Variants in IGSF21 observed in about 807,000 individuals in gnomAD.
IGSF21 encodes immunoglobulin superfamily member 21.
IGSF21 carries 28 observed loss-of-function variants against 46.8 expected under a neutral mutation model. The ratio of observed to expected loss-of-function variants is 0.60; its 90% CI spans 0.44 to 0.82. IGSF21 has a LOEUF of 0.82. Ranked by LOEUF, IGSF21 falls within the 40% of genes least tolerant of loss-of-function variation. The pLI is 0.00. For synonymous variants in IGSF21, 284 were observed against 273.6 expected (o/e 1.04, Z -0.38); for missense variants, 624 against 665.5 (o/e 0.94, Z 0.69).
intron 2 of IGSF21, among the ~76,000 whole-genome samples, chr1:18,284,138 A>G (rs1028500965): frequency 1.3e-5 from 2 of 152,156 alleles, no homozygotes; most frequent in Non-Finnish European, 2.9e-5. Context: ...CTCAAGCAAT[A>G]GACAAACTCA....
chr1:18,255,016 G>C (rs1363439273), intron 2 of IGSF21, among the ~76,000 whole-genome samples: 1 of 152,194 alleles, frequency 6.6e-6, no homozygotes, highest in African/African-American at 2.4e-5. Flanking sequence ...TCTGCCTTCA[G>C]GCTTTGTCAA....
chr1:18,164,407 C>T (rs760669562), intron 1 of IGSF21, among the ~76,000 whole-genome samples: 1 of 151,870 alleles, frequency 6.6e-6, no homozygotes, highest in Non-Finnish European at 1.5e-5. Context: ...CTTTCCCTCC[C>T]TCCATCCATC....
At chr1:18,222,912 G>A (rs2084525082) in intron 1 of IGSF21, among the ~76,000 whole-genome samples, 1 of 152,176 alleles carries the variant, frequency 6.6e-6, no homozygotes, top group East Asian at 1.9e-4. Context: ...TGTCTCAGAG[G>A]TGTTTTCTCA....
chr1:18,282,558 T>C (rs2085171758), intron 2 of IGSF21, among the ~76,000 whole-genome samples: 1 of 151,778 alleles, frequency 6.6e-6, no homozygotes, highest in African/African-American at 2.4e-5. Context: ...TGTATTCGAC[T>C]GGTGGGTGCC....
intron 3 of IGSF21, among the ~76,000 whole-genome samples, chr1:18,327,956 T>C (rs2085673950): frequency 6.6e-6 from 1 of 152,168 alleles, no homozygotes; most frequent in Non-Finnish European, 1.5e-5. Flanking sequence ...CAGGATAAAC[T>C]CACCTAACAC....
intron 4 of IGSF21, among the ~76,000 whole-genome samples, chr1:18,359,389 A>AAGAAAGAAAGAAAGAAAGAAT (rs1557659666): frequency 1.2e-5 from 1 of 85,646 alleles, no homozygotes; most frequent in African/African-American, 4.4e-5. Context: ...AAAGAAAGGA[A>AAGAAAGAAAGAAAGAAAGAAT]GGAAGGAAGG....
chr1:18,163,352 GGAT>G, intron 1 of IGSF21, among the ~76,000 whole-genome samples: 2 of 152,306 alleles, frequency 1.3e-5, no homozygotes, highest in African/African-American at 4.8e-5. Context: ...GGTGGACAGA[GGAT>G]GAGTTGCAGA....
chr1:18,237,046 G>A (rs570123741), intron 2 of IGSF21, among the ~76,000 whole-genome samples: 1 of 152,158 alleles, frequency 6.6e-6, no homozygotes, highest in African/African-American at 2.4e-5. Context: ...AGACCCAATT[G>A]CTTCTATTGA....
At chr1:18,366,731 A>G (rs1388081338) in intron 6 of IGSF21, among the ~76,000 whole-genome samples, 1 of 152,158 alleles carries the variant, frequency 6.6e-6, no homozygotes, top group African/African-American at 2.4e-5. Flanking sequence ...GCAGGCAAAG[A>G]GGACACTGGC....
At chr1:18,371,343 A>G (rs1290015372) in intron 6 of IGSF21, among the ~76,000 whole-genome samples, 1 of 152,188 alleles carries the variant, frequency 6.6e-6, no homozygotes, top group Non-Finnish European at 1.5e-5. Flanking sequence ...AGGCCGAGGC[A>G]GGTGGATCAC....
At chr1:18,256,467 G>T (rs1191665345) in intron 2 of IGSF21, among the ~76,000 whole-genome samples, 3 of 152,194 alleles carry the variant, frequency 2.0e-5, no homozygotes, top group Non-Finnish European at 4.4e-5. Flanking sequence ...AGGTCACCCA[G>T]GGAGCCGGCT....
At chr1:18,167,068 T>C (rs888126239) in intron 1 of IGSF21, 4 of 152,932 alleles carry the variant, frequency 2.6e-5, no homozygotes, top group African/African-American at 9.7e-5. Context: ...AGTTTGACTG[T>C]GAGGCCACAA....
chr1:18,300,057 T>C (rs989794859), intron 3 of IGSF21, among the ~76,000 whole-genome samples: 1 of 152,132 alleles, frequency 6.6e-6, no homozygotes, highest in African/African-American at 2.4e-5. Context: ...AGACTTCTTC[T>C]CTAGAATAAT....
chr1:18,111,104 C>A (rs2086139860), intron 1 of IGSF21: 1 of 152,288 alleles, frequency 6.6e-6, no homozygotes, highest in South Asian at 2.1e-4. Context: ...TGTGCGCGCG[C>A]GAGCGGGTGT....
At chr1:18,271,780 C>A (rs2085045215) in intron 2 of IGSF21, among the ~76,000 whole-genome samples, 1 of 152,150 alleles carries the variant, frequency 6.6e-6, no homozygotes, top group Admixed American at 6.5e-5. Flanking sequence ...AAGCCCCAGC[C>A]CCTCAGGGCT....
intron 1 of IGSF21, among the ~76,000 whole-genome samples, chr1:18,187,690 T>C (rs962832838): frequency 1.3e-5 from 2 of 151,966 alleles, no homozygotes; most frequent in Non-Finnish European, 2.9e-5. Context: ...GGCACCACCC[T>C]CAAGACCCAT....
Position 18,365,558 on chromosome 1 carries a change from C to A in IGSF21, c.876C>A (p.Thr292=). The change falls in exon 6 of 10, where the codon ACC becomes ACA. Residue 292 remains threonine (T), a synonymous_variant. Coordinates refer to ENST00000251296, the MANE Select transcript of IGSF21 (RefSeq NM_032880.5). This position sits in a 1 kb window ranked among gnomAD's most constrained non-coding sequence, Gnocchi z 4.8. ...CCTACTTCCTGCGCCACAGCCGCAC[C>A]CCGAGCAGTGACGGCACTGTGGAAG... The part of the protein sequence containing the change: ...EPTYFLRHSR[T]PSSDGTVEVR... The A allele has an allele frequency of 6.2e-7, 1 of 1,614,158 alleles. No homozygotes were observed. The highest frequency in any genetic ancestry group is 1.1e-5 in the South Asian group (1 of 91,074).
chr1:18,272,762 C>T (rs2085055106), intron 2 of IGSF21, among the ~76,000 whole-genome samples: 2 of 152,198 alleles, frequency 1.3e-5, no homozygotes, highest in African/African-American at 4.8e-5. Context: ...CAGTCTTGCC[C>T]ACTGGACAAA....
intron 2 of IGSF21, among the ~76,000 whole-genome samples, chr1:18,236,704 C>T (rs1205287026): frequency 2.1e-5 from 3 of 145,656 alleles, no homozygotes; most frequent in East Asian, 2.0e-4. Context: ...GGAGGAGGAA[C>T]AGCCAGCAAG....
Sources: allele counts gnomAD v4.1 joint callset (sites outside exome capture counted in the v4.1 genomes callset), GRCh38; gene constraint gnomAD v4.1.1; non-coding constraint Gnocchi (gnomAD v3.1); transcripts MANE v1.5; gene names NCBI Gene and HGNC (gene_info 2026-07-23, HGNC 2026-07-21).